MSH3: variants seen among roughly 807,000 people sequenced by gnomAD.
MSH3 encodes DNA mismatch repair protein Msh3.
A neutral mutation model predicts 123.3 loss-of-function variants in MSH3; 106 were observed. That is an observed-to-expected ratio of 0.86 (90% confidence interval 0.73 to 1.01). MSH3 has a LOEUF of 1.01. MSH3 is among the 50% of genes least tolerant of loss of function. MSH3 has a pLI of 0.00. For missense variants in MSH3, 1,459 were observed against 1,347.6 expected (o/e 1.08, Z -1.29); for synonymous variants, 515 against 481.4 (o/e 1.07, Z -0.91).
chr5:80,672,051 C>T (rs1749736194), intron 4 of MSH3, among the ~76,000 whole-genome samples, 193 bp from the exon 5 acceptor site: 1 of 152,026 alleles, frequency 6.6e-6, no homozygotes, highest in Non-Finnish European at 1.5e-5. Flanking sequence ...ACTGGAACTG[C>T]CCAAAATACA....
intron 11 of MSH3, among the ~76,000 whole-genome samples, chr5:80,744,114 G>T (rs1743670940): frequency 6.6e-6 from 1 of 152,128 alleles, no homozygotes; most frequent in Non-Finnish European, 1.5e-5. Context: ...CCAGCACCTT[G>T]TTCAGTGTTG....
At chr5:80,750,570 GTTAT>G (rs1464750799) in intron 12 of MSH3, among the ~76,000 whole-genome samples, 1 of 152,028 alleles carries the variant, frequency 6.6e-6, no homozygotes, top group Non-Finnish European at 1.5e-5. Context: ...TTTAAATAGG[GTTAT>G]TTGTTTTCTT....
intron 20 of MSH3, among the ~76,000 whole-genome samples, chr5:80,830,160 C>A (rs1389101118): frequency 6.6e-6 from 1 of 151,980 alleles, no homozygotes; most frequent in African/African-American, 2.4e-5. Flanking sequence ...TTTTCTTGAT[C>A]TTTTCAAAGA....
intron 18 of MSH3, among the ~76,000 whole-genome samples, chr5:80,791,457 T>C (rs33012): frequency 0.87 from 133,141 of 152,182 alleles, 58,429 homozygotes; most frequent in East Asian, 1. Context: ...GAATATGTTC[T>C]AGATGCATGC....
At chr5:80,785,751 A>T (rs1487361626) in intron 17 of MSH3, among the ~76,000 whole-genome samples, 1 of 152,182 alleles carries the variant, frequency 6.6e-6, no homozygotes, top group Non-Finnish European at 1.5e-5. Context: ...CAAATGTCCA[A>T]GAATGATAGA....
At chr5:80,835,094 G>A (rs1388876770) in intron 20 of MSH3, among the ~76,000 whole-genome samples, 1 of 152,180 alleles carries the variant, frequency 6.6e-6, no homozygotes, top group East Asian at 1.9e-4. Flanking sequence ...CATCAGACAA[G>A]CTCTTCCCTT....
chr5:80,852,549 G>A (rs1264809347), intron 20 of MSH3, among the ~76,000 whole-genome samples: 1 of 152,128 alleles, frequency 6.6e-6, no homozygotes, highest in Non-Finnish European at 1.5e-5. Flanking sequence ...GGATATGAAA[G>A]TTTCATCATC....
At chr5:80,679,650 C>T (rs6151667) in intron 8 of MSH3, among the ~76,000 whole-genome samples, 4 of 152,192 alleles carry the variant, frequency 2.6e-5, no homozygotes, top group African/African-American at 4.8e-5. Flanking sequence ...AGACCACTTA[C>T]GTATGAAGCA....
chr5:80,710,319 C>T (rs1007475574), intron 8 of MSH3, among the ~76,000 whole-genome samples: 1 of 152,190 alleles, frequency 6.6e-6, no homozygotes, highest in Non-Finnish European at 1.5e-5. Context: ...GTCATACAGC[C>T]TCTCAGGAAA....
At position 80,749,499 on chromosome 5, in the gene MSH3, A is replaced by G. The variant is rs114465956; in HGVS notation, c.1763+4884A>G. ...GATTGAGTGTGAGTCTGCCTCTCCTAGCCCACTGACTAAATGTTAATCTCC... is the reference window on the plus strand; with the variant it reads ...GATTGAGTGTGAGTCTGCCTCTCCTGGCCCACTGACTAAATGTTAATCTCC... On this transcript the variant is annotated intron_variant, in intron 12 of 23. Transcript: ENST00000265081. Among the ~76,000 whole-genome samples the G allele has an allele frequency of 6.7e-3, 1,022 of 152,280 alleles. 10 individuals are homozygous for G. Among genetic ancestry groups the G allele is most frequent in the African/African-American group, 0.024 (980 of 41,550 alleles).
intron 8 of MSH3, among the ~76,000 whole-genome samples, chr5:80,697,101 A>G (rs1333914534): frequency 6.6e-6 from 1 of 152,206 alleles, no homozygotes; most frequent in Non-Finnish European, 1.5e-5. Flanking sequence ...GAGTGCTGTC[A>G]TGATGATTAG....
intron 19 of MSH3, among the ~76,000 whole-genome samples, chr5:80,805,211 G>A (rs1167241088): frequency 6.6e-6 from 1 of 152,168 alleles, no homozygotes; most frequent in Non-Finnish European, 1.5e-5. Context: ...GCAGTGTCTG[G>A]CTCTCAAAGT....
At position 80,672,831 on chromosome 5, in the gene MSH3, T is replaced by C; in HGVS notation, c.1000T>C (p.Tyr334His). The C allele has an allele frequency of 2.5e-6, 4 of 1,613,140 alleles. No homozygotes were observed. The highest frequency in any genetic ancestry group is 3.4e-6 in the Non-Finnish European group (4 of 1,179,302). The change falls in exon 6 of 24, where the codon TAT (tyrosine) becomes CAT (histidine). Residue 334 changes from tyrosine to histidine, a missense_variant. Coordinates refer to ENST00000265081, the MANE Select transcript of MSH3 (RefSeq NM_002439.5). ...CTTTTCCCGGAAATTGACTGCCCTT[T>C]ATACAAAATCTACACTTATTGGAGA... ...SLFSRKLTALYTKSTLIGEDV... is the reference protein window; with the variant it reads ...SLFSRKLTALHTKSTLIGEDV...
At chr5:80,778,961 G>A in intron 17 of MSH3, 125 bp downstream of exon 17, 1 of 599,578 alleles carries the variant, frequency 1.7e-6, no homozygotes, top group Non-Finnish European at 3.0e-6. Flanking sequence ...TTGAGTACAT[G>A]TGTTCTCTGA....
chr5:80,714,379 G>A (rs1016157635), intron 8 of MSH3, among the ~76,000 whole-genome samples: 12 of 151,906 alleles, frequency 7.9e-5, no homozygotes, highest in Middle Eastern at 3.4e-3. Flanking sequence ...CAGGTGATCC[G>A]CCCTCCTGAG....
chr5:80,811,416 C>A (rs993671582), intron 19 of MSH3, among the ~76,000 whole-genome samples: 1 of 151,984 alleles, frequency 6.6e-6, no homozygotes, highest in Non-Finnish European at 1.5e-5. Flanking sequence ...ACTTTGTATT[C>A]CTCAAAAGCT....
At chr5:80,816,335 G>C (rs552798908) in intron 20 of MSH3, among the ~76,000 whole-genome samples, 1 of 152,324 alleles carries the variant, frequency 6.6e-6, no homozygotes, top group African/African-American at 2.4e-5. Context: ...GCTTCCCTTA[G>C]CAAGTAACTT....
At chr5:80,711,489 C>T (rs1398068016) in intron 8 of MSH3, among the ~76,000 whole-genome samples, 2 of 152,104 alleles carry the variant, frequency 1.3e-5, no homozygotes, top group Admixed American at 6.6e-5. Flanking sequence ...GAGGAGGACT[C>T]ACCAGCTGAC....
At chr5:80,798,253 C>CT (rs1744732977) in intron 19 of MSH3, among the ~76,000 whole-genome samples, 1 of 152,122 alleles carries the variant, frequency 6.6e-6, no homozygotes, top group Non-Finnish European at 1.5e-5. Flanking sequence ...ACAGTCCCTT[C>CT]TTGTGAGATC....
Sources: allele counts gnomAD v4.1 joint callset (sites outside exome capture counted in the v4.1 genomes callset), GRCh38; gene constraint gnomAD v4.1.1; transcripts MANE v1.5; gene names NCBI Gene and HGNC (gene_info 2026-07-23, HGNC 2026-07-21).